MGAT5: variants seen among roughly 807,000 people sequenced by gnomAD.
MGAT5 encodes alpha-1,6-mannosylglycoprotein 6-beta-N-acetylglucosaminyltransferase.
MGAT5 carries 30 observed loss-of-function variants against 94.3 expected under a neutral mutation model. The ratio of observed to expected loss-of-function variants is 0.32; its 90% confidence interval spans 0.24 to 0.43. The LOEUF (loss-of-function observed/expected upper bound fraction) is 0.43. Among genes scored for constraint, MGAT5 ranks in the 20% least tolerant of loss-of-function variants. The pLI is 1.00. For synonymous variants in MGAT5, 310 were observed against 322.9 expected (o/e 0.96, Z 0.43); for missense variants, 691 against 905.5 (o/e 0.76, Z 3.04).
intron 1 of MGAT5, among the ~76,000 whole-genome samples, chr2:134,255,965 T>C (rs1007930513): frequency 6.6e-6 from 1 of 152,014 alleles, no homozygotes; most frequent in African/African-American, 2.4e-5. Context: ...CACACGTATG[T>C]GTATGTGTGT....
At chr2:134,300,760 AGAGT>A (rs1237296465) in intron 2 of MGAT5, among the ~76,000 whole-genome samples, 4 of 152,148 alleles carry the variant, frequency 2.6e-5, no homozygotes, top group South Asian at 4.1e-4. Context: ...AGCTTGTTGT[AGAGT>A]AAGTTCCAGT....
chr2:134,307,570 C>CA (rs1294227503), intron 2 of MGAT5, among the ~76,000 whole-genome samples: 2 of 152,202 alleles, frequency 1.3e-5, no homozygotes, highest in South Asian at 4.2e-4. Context: ...TGTTCTGAGG[C>CA]TGGAATTCAT....
chr2:134,175,379 G>A (rs2105138856), intron 1 of MGAT5, among the ~76,000 whole-genome samples: 1 of 152,244 alleles, frequency 6.6e-6, no homozygotes, highest in Admixed American at 6.5e-5. Context: ...TAAAATTACT[G>A]TTATTTTGTC....
At chr2:134,157,334 A>C (rs1040003518) in intron 1 of MGAT5, among the ~76,000 whole-genome samples, 10 of 152,342 alleles carry the variant, frequency 6.6e-5, no homozygotes, top group Non-Finnish European at 1.5e-4. Context: ...ACTTTTCTGC[A>C]AATTTAAAAT....
At chr2:134,286,169 G>A (rs905348963) in intron 2 of MGAT5, among the ~76,000 whole-genome samples, 1 of 151,968 alleles carries the variant, frequency 6.6e-6, no homozygotes, top group Non-Finnish European at 1.5e-5. Flanking sequence ...TTCTTACTGT[G>A]GCCCACAGAT....
upstream of MGAT5, among the ~76,000 whole-genome samples, chr2:134,252,238 A>G (rs1443246471): frequency 3.9e-5 from 6 of 152,174 alleles, no homozygotes; most frequent in African/African-American, 7.2e-5. Flanking sequence ...GAGAGCACTC[A>G]TGTGCCAGCT....
At chr2:134,429,892 C>T (rs1298324241) in intron 14 of MGAT5, among the ~76,000 whole-genome samples, 2 of 152,152 alleles carry the variant, frequency 1.3e-5, no homozygotes, top group Admixed American at 6.5e-5. Flanking sequence ...TAGTAATAAC[C>T]CCATTATCTG....
chr2:134,219,953 A>G (rs1037674655), intron 1 of MGAT5, among the ~76,000 whole-genome samples: 3 of 152,182 alleles, frequency 2.0e-5, no homozygotes, highest in Non-Finnish European at 2.9e-5. Flanking sequence ...AACTGAATTC[A>G]TAGGAGTAAA....
chr2:134,393,335 TACAG>T (rs1259125703), intron 10 of MGAT5, among the ~76,000 whole-genome samples: 2 of 152,168 alleles, frequency 1.3e-5, no homozygotes, highest in Admixed American at 1.3e-4. Context: ...AAAGGCTATT[TACAG>T]ACAGAGACCA....
intron 1 of MGAT5, among the ~76,000 whole-genome samples, chr2:134,220,194 A>G (rs916376858): frequency 6.6e-6 from 1 of 152,198 alleles, no homozygotes; most frequent in Non-Finnish European, 1.5e-5. Flanking sequence ...GCATAGCTGT[A>G]TGCTCTTCGA....
intron 1 of MGAT5, among the ~76,000 whole-genome samples, chr2:134,169,046 C>T (rs896651865): frequency 3.3e-5 from 5 of 152,146 alleles, no homozygotes; most frequent in Non-Finnish European, 5.9e-5. Flanking sequence ...GTGGGCACCA[C>T]ACAGCTGGGC....
intron 8 of MGAT5, 94 bp downstream of exon 8, chr2:134,345,158 T>C: frequency 7.4e-7 from 1 of 1,357,570 alleles, no homozygotes; most frequent in South Asian, 1.4e-5. Context: ...TCAAATAGTA[T>C]CTTTTCAGCT....
At chr2:134,169,902 G>A (rs184472590) in intron 1 of MGAT5, among the ~76,000 whole-genome samples, 13 of 152,230 alleles carry the variant, frequency 8.5e-5, no homozygotes, top group African/African-American at 2.6e-4. Context: ...AGGTAAAATC[G>A]AGATTTGAAA....
intron 1 of MGAT5, among the ~76,000 whole-genome samples, chr2:134,130,108 C>T (rs115443581): frequency 0.013 from 2,003 of 152,228 alleles, 48 homozygotes; most frequent in African/African-American, 0.043. Flanking sequence ...CCAGCACTGC[C>T]GGCCCGTCCG....
intron 1 of MGAT5, among the ~76,000 whole-genome samples, chr2:134,136,782 C>G (rs2104937395): frequency 6.6e-6 from 1 of 152,272 alleles, no homozygotes; most frequent in South Asian, 2.1e-4. Flanking sequence ...GCTCCCCTTT[C>G]CCTCCTCTTC....
intron 1 of MGAT5, among the ~76,000 whole-genome samples, chr2:134,145,039 C>T (rs887966826): frequency 9.9e-5 from 15 of 152,234 alleles, no homozygotes; most frequent in Admixed American, 5.2e-4. Flanking sequence ...AACTTGAATC[C>T]TCACCAATGT....
At chr2:134,390,865 A>T (rs942900191) in intron 10 of MGAT5, among the ~76,000 whole-genome samples, 5 of 151,752 alleles carry the variant, frequency 3.3e-5, no homozygotes, top group African/African-American at 1.2e-4. Context: ...GCCATTTCCA[A>T]CCTCTCTGTA....
In MGAT5 at chr2:134,357,348, C is replaced by G. The variant is rs138061322; in HGVS notation, c.1247-4927C>G. On this transcript the variant is annotated intron_variant, in intron 9 of 15. Transcript: ENST00000281923. The stretch of plus-strand genomic sequence containing the variant: ...TTGTCAGTATCATTGATATTCCAAC[C>G]CTGAATTTCTCCCAGGATTTGGGGC... Among the ~76,000 whole-genome samples, 720 of 152,262 alleles carry G rather than the reference C, an allele frequency of 4.7e-3. 7 individuals are homozygous for G. Among genetic ancestry groups the G allele is most frequent in the African/African-American group, 0.017 (690 of 41,548 alleles).
intron 1 of MGAT5, among the ~76,000 whole-genome samples, chr2:134,121,685 G>T (rs1573693882): frequency 6.6e-6 from 1 of 152,234 alleles, no homozygotes; most frequent in Non-Finnish European, 1.5e-5. Context: ...TCAGTTGTGT[G>T]TGGGGTTCGG....
Sources: gnomAD v4.1 joint callset for allele counts (sites outside exome capture counted in the v4.1 genomes callset) on GRCh38, gnomAD v4.1.1 for gene constraint, MANE v1.5 for transcripts, NCBI Gene and HGNC (gene_info 2026-07-23, HGNC 2026-07-21) for gene names.